Variants in NDST4 observed in about 807,000 individuals in gnomAD.
NDST4 encodes the protein N-heparan sulfate sulfotransferase 4.
NDST4 carries 63 observed loss-of-function variants against 100.8 expected under a neutral mutation model. The ratio of observed to expected loss-of-function variants is 0.62; its 90% CI spans 0.51 to 0.77. NDST4 has a LOEUF of 0.77. NDST4 is among the 30% of genes least tolerant of loss of function. The pLI, the probability that NDST4 is intolerant of heterozygous loss-of-function variation, is 0.00. For synonymous variants in NDST4, 377 were observed against 361.8 expected, an observed-to-expected ratio of 1.04 and a Z score of -0.48; for missense variants, 943 against 1,018.4, an observed-to-expected ratio of 0.93 and a Z score of 1.01.
chr4:114,948,015 T>A (rs1725906781), intron 4 of NDST4, among the ~76,000 whole-genome samples: 1 of 152,048 alleles, frequency 6.6e-6, no homozygotes, highest in Non-Finnish European at 1.5e-5. Context: ...TTCCAAACTT[T>A]TTGGATCCTT....
intron 2 of NDST4, among the ~76,000 whole-genome samples, chr4:115,075,218 G>T (rs939374879): frequency 3.3e-5 from 5 of 152,064 alleles, no homozygotes; most frequent in Admixed American, 3.3e-4. Flanking sequence ...CCTATAAAAT[G>T]ATTTGTTTTT....
chr4:114,924,304 A>C (rs542831546), intron 6 of NDST4, among the ~76,000 whole-genome samples: 1 of 152,240 alleles, frequency 6.6e-6, no homozygotes, highest in Admixed American at 6.5e-5. Flanking sequence ...GAATAATATC[A>C]TACGTTGTAA....
At position 114,870,782 on chromosome 4, in the gene NDST4, C is replaced by T. The variant is rs1359628250; in HGVS notation, c.1705G>A (p.Asp569Asn). 6.2e-7 allele frequency: 1 copy of T among 1,609,398 alleles called. No individual in the cohort carries two copies. The highest frequency in any genetic ancestry group is 1.7e-5 in the Admixed American group (1 of 59,054). Residue 569 changes from aspartate to asparagine, a missense_variant, in exon 7 of 14, where the codon GAC (aspartate) becomes AAC (asparagine). Physicochemically the swap from Asp to Asn is conservative, Grantham distance 23 (BLOSUM62 1). Transcript: ENST00000264363. Reference protein sequence around the residue: ...QYFELFPEQKDPLWQNPCDDK... With the variant: ...QYFELFPEQKNPLWQNPCDDK... ...TTAAATGTTACCTGCCATAGAGGGTCTTTCTGCTCAGGGAAGAGCTCAAAA... is the reference window on the plus strand; with the variant it reads ...TTAAATGTTACCTGCCATAGAGGGTTTTTCTGCTCAGGGAAGAGCTCAAAA...
chr4:114,965,978 T>C (rs868187771), intron 4 of NDST4, among the ~76,000 whole-genome samples: 22 of 152,108 alleles, frequency 1.4e-4, no homozygotes, highest in Admixed American at 3.9e-4. Context: ...ATCTATTTAT[T>C]GACGTACTCA....
intron 6 of NDST4, among the ~76,000 whole-genome samples, chr4:114,913,896 A>G (rs577206738): frequency 4.9e-4 from 74 of 152,180 alleles, no homozygotes; most frequent in African/African-American, 1.7e-3. Flanking sequence ...TTTTATTGAT[A>G]TGTTAAAAAG....
chr4:114,833,786 C>G, intron 11 of NDST4, 71 bp from the exon 12 acceptor site: 1 of 893,612 alleles, frequency 1.1e-6, no homozygotes, highest in Non-Finnish European at 1.8e-6. Context: ...CCTTCCTTTA[C>G]CTGGTGTGAC....
chr4:115,003,855 A>G (rs978944490), intron 2 of NDST4, among the ~76,000 whole-genome samples: 2 of 151,876 alleles, frequency 1.3e-5, no homozygotes, highest in African/African-American at 4.8e-5. Context: ...GCGACAGTGT[A>G]AGACTCTGTC....
chr4:115,091,898 T>C (rs1729528172), intron 1 of NDST4, among the ~76,000 whole-genome samples: 1 of 152,154 alleles, frequency 6.6e-6, no homozygotes, highest in African/African-American at 2.4e-5. Context: ...TAACAAACCT[T>C]TGGTAACTAT....
chr4:114,856,107 G>A (rs1723788222), intron 7 of NDST4, among the ~76,000 whole-genome samples: 1 of 151,400 alleles, frequency 6.6e-6, no homozygotes. Flanking sequence ...CTGTCACCCA[G>A]GCTGGAGTGC....
intron 2 of NDST4, among the ~76,000 whole-genome samples, chr4:115,027,843 C>T (rs987924276): frequency 2.0e-5 from 3 of 152,098 alleles, no homozygotes; most frequent in African/African-American, 7.2e-5. Context: ...CACCTGAGAT[C>T]AGGAGTTTGA....
chr4:115,075,931 A>G, intron 2 of NDST4, 128 bp downstream of exon 2: 1 of 1,117,018 alleles, frequency 9.0e-7, no homozygotes, highest in Non-Finnish European at 1.2e-6. Context: ...ATTTTTCTAA[A>G]TGGCTATCTT....
rs553306623 is a variant in NDST4, at chr4:114,889,859, C to T, written c.1537-18909G>A. 5.3e-5 allele frequency among the ~76,000 whole-genome samples: 8 copies of T among 152,148 alleles called. No homozygotes were observed. In the South Asian group the frequency reaches 1.7e-3, roughly 32 times the overall value. On this transcript the variant is annotated intron_variant, in intron 6 of 13. Transcript: ENST00000264363. ...GAGCCTCAGAGACTCCATCTGTAAA[C>T]TGGGGAAAATGATACAGTCATAACT...
intron 2 of NDST4, among the ~76,000 whole-genome samples, chr4:115,008,654 A>G (rs1351765610): frequency 7.8e-6 from 1 of 128,282 alleles, no homozygotes; most frequent in East Asian, 2.5e-4. Context: ...CACCACTCCT[A>G]TTCAACATAG....
intron 2 of NDST4, among the ~76,000 whole-genome samples, chr4:115,000,417 C>T (rs1291689724): frequency 6.6e-6 from 1 of 151,796 alleles, no homozygotes; most frequent in African/African-American, 2.4e-5. Flanking sequence ...ATTGAATAAA[C>T]TAATGATGAT....
chr4:115,036,272 G>C lies in NDST4; in HGVS notation c.978+39787C>G, dbSNP rs189466324. 1.4e-3 allele frequency among the ~76,000 whole-genome samples: 216 copies of C among 151,296 alleles called. 1 individual carries two copies. The highest frequency in any genetic ancestry group is 5.0e-3 in the African/African-American group (209 of 41,446). ...CAGGTATTTACATCAGTTTAAAAGA[G>C]AATCTCATTTTTCTGTTCACCTCAT... On this transcript the variant is annotated intron_variant, in intron 2 of 13. Coordinates refer to ENST00000264363, the MANE Select transcript of NDST4 (RefSeq NM_022569.3).
chr4:115,053,522 T>C (rs1728629049), intron 2 of NDST4, among the ~76,000 whole-genome samples: 3 of 152,136 alleles, frequency 2.0e-5, no homozygotes, highest in Non-Finnish European at 4.4e-5. Flanking sequence ...GGCCTTTAAA[T>C]TCTCAGTCCT....
At chr4:114,836,009 G>A (rs939186558) in intron 11 of NDST4, among the ~76,000 whole-genome samples, 4 of 151,820 alleles carry the variant, frequency 2.6e-5, no homozygotes, top group East Asian at 1.9e-4. Flanking sequence ...GTGCGTCTTC[G>A]CACGTGAGAT....
At chr4:114,940,686 TTGG>T (rs1725730540) in intron 4 of NDST4, among the ~76,000 whole-genome samples, 1 of 152,156 alleles carries the variant, frequency 6.6e-6, no homozygotes, top group Non-Finnish European at 1.5e-5. Context: ...ACCCGCCCTC[TTGG>T]TACCCAAGTT....
chr4:114,912,030 C>T (rs1259587864), intron 6 of NDST4, among the ~76,000 whole-genome samples: 1 of 152,086 alleles, frequency 6.6e-6, no homozygotes, highest in Non-Finnish European at 1.5e-5. Flanking sequence ...ACCAATGGAA[C>T]ATAAATTTGG....
Sources: allele counts gnomAD v4.1 joint callset (sites outside exome capture counted in the v4.1 genomes callset), GRCh38; gene constraint gnomAD v4.1.1; transcripts MANE v1.5; gene names NCBI Gene and HGNC (gene_info 2026-07-23, HGNC 2026-07-21).